Variants in SPEF2 observed in about 807,000 individuals in gnomAD.
The protein encoded by SPEF2 is sperm flagella and cilia-associated protein 2.
Under a neutral mutation model 224.6 loss-of-function variants are expected in SPEF2, and 187 were observed. That is an observed-to-expected ratio of 0.83 (90% CI 0.74 to 0.94). SPEF2 has a LOEUF of 0.94. Among genes scored for constraint, SPEF2 ranks in the 40% least tolerant of loss-of-function variants. The probability of loss-of-function intolerance (pLI) is 0.00; values close to 1 mark genes in which losing one functional copy is unlikely to be tolerated. For missense variants in SPEF2, 2,170 were observed against 2,135.6 expected (o/e 1.02, Z -0.32); for synonymous variants, 715 against 707.3 (o/e 1.01, Z -0.17).
In SPEF2 at chr5:35,641,596, A is replaced by G; in HGVS notation, c.327A>G (p.Lys109=). ...QLYIALQKKK[K]SGLTGVEMQT... The stretch of plus-strand genomic sequence containing the variant: ...ACATTGCTCTTCAGAAAAAGAAGAA[A>G]AGTGGACTGACTGGAGTGGAGATGC... Residue 109 remains lysine (K), a synonymous_variant, in exon 3 of 37, where the codon AAA becomes AAG. Transcript: ENST00000356031. 1 of 1,613,788 alleles carries G rather than the reference A, an allele frequency of 6.2e-7. No individual in the cohort carries two copies. Among genetic ancestry groups the G allele is most frequent in the Non-Finnish European group, 8.5e-7 (1 of 1,179,794 alleles).
chr5:35,666,214 G>A (rs1314539931), intron 8 of SPEF2, among the ~76,000 whole-genome samples: 1 of 152,144 alleles, frequency 6.6e-6, no homozygotes, highest in Non-Finnish European at 1.5e-5. Context: ...GTTGTTACAG[G>A]AGGGAAGTCT....
In SPEF2 at chr5:35,667,166, G is replaced by T. The variant is rs139580877; in HGVS notation, c.1262G>T (p.Arg421Leu). The change falls in exon 9 of 37, where the codon CGT (arginine) becomes CTT (leucine). Residue 421 changes from arginine to leucine, a missense_variant. Transcript: ENST00000356031. Reference sequence around the variant, plus strand: ...ATTGCTGTGGAAAGAGCTCAAGCTCGTTATGAAAAGCATTATTCAGTATGT... The same window carrying T: ...ATTGCTGTGGAAAGAGCTCAAGCTCTTTATGAAAAGCATTATTCAGTATGT... ...DQIAVERAQA[R>L]YEKHYSVCAE... The T allele has an allele frequency of 3.7e-6, 6 of 1,612,266 alleles. No individual in the cohort carries two copies. In the East Asian group the frequency reaches 1.3e-4, roughly 36 times the overall value.
In SPEF2 at chr5:35,709,136, G is replaced by T. The variant is rs774525410; in HGVS notation, c.2839+15G>T. 2 of 1,606,298 alleles carry T rather than the reference G, an allele frequency of 1.2e-6. No homozygotes were observed. Among genetic ancestry groups the T allele is most frequent in the South Asian group, 1.1e-5 (1 of 89,054 alleles). On this transcript the variant is annotated intron_variant, in intron 19 of 36. Coordinates refer to ENST00000356031, the MANE Select transcript of SPEF2 (RefSeq NM_024867.4). Reference sequence around the variant, plus strand: ...ACCTCAATCAGGTGATTGACAGAATGATTTATAATCCTGTTTTCAGTTTCT... The same window carrying T: ...ACCTCAATCAGGTGATTGACAGAATTATTTATAATCCTGTTTTCAGTTTCT...
chr5:35,701,118 T>C (rs1232856855), intron 16 of SPEF2, among the ~76,000 whole-genome samples: 2 of 152,204 alleles, frequency 1.3e-5, no homozygotes, highest in Non-Finnish European at 2.9e-5. Context: ...ACATCTGGGC[T>C]GTAAGAAAGG....
intron 3 of SPEF2, 80 bp downstream of exon 3, chr5:35,641,763 A>G: frequency 2.0e-6 from 3 of 1,468,670 alleles, no homozygotes; most frequent in Non-Finnish European, 2.8e-6. Flanking sequence ...TTGAATTCTC[A>G]AAGAAGCCTC....
intron 30 of SPEF2, among the ~76,000 whole-genome samples, chr5:35,784,124 G>A (rs946818076): frequency 6.6e-6 from 1 of 150,804 alleles, no homozygotes; most frequent in African/African-American, 2.5e-5. Context: ...TTTGGAGACC[G>A]ATAGATTTTT....
chr5:35,727,856 C>A, intron 21 of SPEF2, 33 bp downstream of exon 21: 1 of 1,599,392 alleles, frequency 6.3e-7, no homozygotes, highest in Non-Finnish European at 8.5e-7. Context: ...TGGCAGAATT[C>A]ATTCTTTCTC....
At chr5:35,806,327 A>G (rs1005369771) in intron 34 of SPEF2, among the ~76,000 whole-genome samples, 1 of 152,230 alleles carries the variant, frequency 6.6e-6, no homozygotes, top group African/African-American at 2.4e-5. Flanking sequence ...AGCTAGAGCA[A>G]TTGACTTGCC....
intron 30 of SPEF2, 117 bp from the exon 31 acceptor site, chr5:35,792,223 C>G: frequency 1.7e-6 from 1 of 578,934 alleles, no homozygotes; most frequent in Non-Finnish European, 2.7e-6. Context: ...TAAAACTTAC[C>G]ATTTTATATA....
intron 34 of SPEF2, 26 bp downstream of exon 34, chr5:35,800,173 A>G: frequency 6.2e-7 from 1 of 1,611,228 alleles, no homozygotes; most frequent in Non-Finnish European, 8.5e-7. Context: ...AAATAGACTA[A>G]CTATAGAGTC....
chr5:35,730,983 A>G (rs983673290), intron 21 of SPEF2, among the ~76,000 whole-genome samples: 7 of 152,202 alleles, frequency 4.6e-5, no homozygotes, highest in Non-Finnish European at 7.3e-5. Flanking sequence ...AGAGAAAATT[A>G]TGAAAGGATA....
intron 10 of SPEF2, among the ~76,000 whole-genome samples, chr5:35,682,350 A>T (rs886800489): frequency 6.6e-6 from 1 of 152,084 alleles, no homozygotes; most frequent in Admixed American, 6.5e-5. Flanking sequence ...ATAGGTTTAA[A>T]AAAAGATTGC....
intron 30 of SPEF2, among the ~76,000 whole-genome samples, chr5:35,791,233 G>T (rs1190154434): frequency 6.6e-6 from 1 of 152,106 alleles, no homozygotes; most frequent in Non-Finnish European, 1.5e-5. Flanking sequence ...GATGAAAAAG[G>T]ATACAGAATG....
At chr5:35,688,145 C>T (rs1260880752) in intron 10 of SPEF2, among the ~76,000 whole-genome samples, 1 of 152,202 alleles carries the variant, frequency 6.6e-6, no homozygotes, top group Non-Finnish European at 1.5e-5. Context: ...GCCACCACCA[C>T]CCCAGAGCAC....
chr5:35,757,010 T>C (rs1750542799), intron 24 of SPEF2, among the ~76,000 whole-genome samples: 1 of 144,414 alleles, frequency 6.9e-6, no homozygotes, highest in South Asian at 2.1e-4. Flanking sequence ...CTAAAATTCT[T>C]TTTAAATCTA....
chr5:35,677,151 C>T (rs1004188716), intron 10 of SPEF2, among the ~76,000 whole-genome samples: 2 of 152,218 alleles, frequency 1.3e-5, no homozygotes, highest in Admixed American at 1.3e-4. Context: ...GTCATAATGC[C>T]TATGTATTTT....
intron 9 of SPEF2, 72 bp from the exon 10 acceptor site, chr5:35,669,987 T>TA (rs1751005392): frequency 1.6e-6 from 2 of 1,226,478 alleles, no homozygotes; most frequent in Non-Finnish European, 2.3e-6. Flanking sequence ...ATAAATATAA[T>TA]AAAAATACCA....
intron 23 of SPEF2, among the ~76,000 whole-genome samples, chr5:35,751,094 C>CATATATATAT (rs1442886154): frequency 4.3e-4 from 9 of 20,860 alleles, no homozygotes; most frequent in African/African-American, 1.1e-3. Context: ...CACACACACA[C>CATATATATAT]ACATATATAT....
chr5:35,799,842 C>T, intron 33 of SPEF2, 126 bp from the exon 34 acceptor site: 1 of 938,936 alleles, frequency 1.1e-6, no homozygotes, highest in Non-Finnish European at 1.6e-6. Context: ...TATATGTTAG[C>T]TTTACTAATT....
Sources: allele counts gnomAD v4.1 joint callset (sites outside exome capture counted in the v4.1 genomes callset), GRCh38; gene constraint gnomAD v4.1.1; transcripts MANE v1.5; gene names NCBI Gene and HGNC (gene_info 2026-07-23, HGNC 2026-07-21).